The following PHC3 variants were observed in gnomAD, a reference collection of about 807,000 sequenced individuals.
The protein encoded by PHC3 is polyhomeotic homolog 3.
Under a neutral mutation model 107.4 loss-of-function variants are expected in PHC3, and 13 were observed. That is an observed-to-expected ratio of 0.12 (90% CI 0.08 to 0.19). PHC3 has a LOEUF of 0.19. Among genes scored for constraint, PHC3 ranks in the 10% least tolerant of loss-of-function variants. The probability of loss-of-function intolerance (pLI) is 1.00; values close to 1 mark genes in which losing one functional copy is unlikely to be tolerated. For missense variants in PHC3, 992 were observed against 1,210.9 expected (o/e 0.82, Z 2.68); for synonymous variants, 456 against 427.4 (o/e 1.07, Z -0.83).
At chr3:170,151,617 G>T (rs1725994104) in intron 4 of PHC3, among the ~76,000 whole-genome samples, 1 of 152,182 alleles carries the variant, frequency 6.6e-6, no homozygotes, top group Admixed American at 6.5e-5. Context: ...AGGGCTACAA[G>T]TCAAATCCCT....
At position 170,088,577 on chromosome 3, in the gene PHC3, C is replaced by T. The variant is rs979335579; in HGVS notation, c.*8653G>A. 1.3e-5 allele frequency: 2 copies of T among 152,154 alleles called. No individual in the cohort carries two copies. Among genetic ancestry groups the T allele is most frequent in the Admixed American group, 6.5e-5 (1 of 15,278 alleles). The allele number at this position is 152,154 out of a possible 1,614,324, so 9.4% of individuals were successfully genotyped here. ...ACTGGGAATCTAGTTTAAATGTCTA[C>T]ATCCAAAATTATATCATCTTTGCGC... is the stretch of plus-strand genomic sequence containing the variant. On this transcript the variant is annotated 3_prime_UTR_variant, in exon 15 of 15. Coordinates refer to ENST00000495893, the MANE Select transcript of PHC3 (RefSeq NM_024947.4).
chr3:170,125,607 A>G (rs1721123341), intron 8 of PHC3, among the ~76,000 whole-genome samples: 1 of 152,220 alleles, frequency 6.6e-6, no homozygotes, highest in South Asian at 2.1e-4. Flanking sequence ...TTTTAAAAAC[A>G]AGAGTTTAAA....
rs534764674 is a variant in PHC3, at chr3:170,144,052, C to T, written c.672+1371G>A. ...ACTGTAAGAATATATCGAGGCCGGG[C>T]GTGGTGGCTCACGCCTGCAATCCCA... is the stretch of plus-strand genomic sequence containing the variant. On this transcript the variant is annotated intron_variant, in intron 6 of 14. Transcript: ENST00000495893. 7.8e-4 allele frequency among the ~76,000 whole-genome samples: 118 copies of T among 150,932 alleles called. No individual in the cohort carries two copies. The Middle Eastern group carries it at 0.01, about 13-fold the overall frequency.
chr3:170,121,623 G>A (rs924336860), intron 9 of PHC3, among the ~76,000 whole-genome samples: 3 of 152,098 alleles, frequency 2.0e-5, no homozygotes, highest in African/African-American at 4.8e-5. Context: ...CTCAGCCTCT[G>A]ACGAAGCTGG....
rs199917986 is a variant in PHC3, at chr3:170,129,518, T to C, written c.954A>G (p.Ile318Met). The C allele has an allele frequency of 6.2e-7, 1 of 1,613,754 alleles. No homozygotes were observed. ...AATGAAGAGGAATCTGCTGATGTTT[T>C]ATTAGAGAATGAGGCTGAATTGGAG... ...SYSPIQPHSL[I>M]KHQQIPLHSP... is the part of the protein sequence containing the mutation. Residue 318 changes from isoleucine (I) to methionine (M), a missense_variant, in exon 8 of 15, where the codon ATA becomes ATG. Coordinates refer to ENST00000495893, the MANE Select transcript of PHC3 (RefSeq NM_024947.4).
chr3:170,140,284 C>CAA (rs1723828765), intron 6 of PHC3, among the ~76,000 whole-genome samples: 2 of 151,322 alleles, frequency 1.3e-5, no homozygotes, highest in South Asian at 4.2e-4. Flanking sequence ...TTTTTTGAGA[C>CAA]AGAGTCTCAC....
chr3:170,168,153 CAAAGG>C (rs1234372409), intron 4 of PHC3, among the ~76,000 whole-genome samples: 1 of 146,376 alleles, frequency 6.8e-6, no homozygotes, highest in Non-Finnish European at 1.5e-5. Flanking sequence ...AAGACTCTGT[CAAAGG>C]AAAGGAAAGG....
At chr3:170,175,920 T>C (rs1730380855) in intron 2 of PHC3, among the ~76,000 whole-genome samples, 1 of 131,370 alleles carries the variant, frequency 7.6e-6, no homozygotes, top group Admixed American at 8.2e-5. Context: ...CAAGACTCAG[T>C]CTCAAAAAAA....
chr3:170,174,726 A>AT lies in PHC3; in HGVS notation c.181-2015dup, dbSNP rs1469955718. 2.0e-5 allele frequency among the ~76,000 whole-genome samples: 3 copies of AT among 152,206 alleles called. No individual in the cohort carries two copies. The South Asian group carries it at 6.2e-4, about 31-fold the overall frequency. On this transcript the variant is annotated intron_variant, in intron 2 of 14. Transcript: ENST00000495893. Reference sequence around the variant, plus strand: ...TTATTGTTTATTTTCATGTGTTAATATCTCACCTCTCCAACTATAGACTAC... The same window carrying AT: ...TTATTGTTTATTTTCATGTGTTAATATTCTCACCTCTCCAACTATAGACTAC...
intron 6 of PHC3, among the ~76,000 whole-genome samples, chr3:170,143,706 T>C (rs1340083535): frequency 2.2e-4 from 33 of 152,212 alleles, no homozygotes; most frequent in South Asian, 2.1e-4. Context: ...GTCAAATTTA[T>C]TGAGGTGTAA....
At chr3:170,152,904 C>A (rs557164109) in intron 4 of PHC3, among the ~76,000 whole-genome samples, 35 of 152,046 alleles carry the variant, frequency 2.3e-4, no homozygotes, top group Non-Finnish European at 3.8e-4. Context: ...TCAAGCGATA[C>A]CCCCACCTCA....
At position 170,181,689 on chromosome 3, in the gene PHC3, T is replaced by G. The variant is rs748050578; in HGVS notation, c.14+13A>C. ...CCCCTAGTTACGACATCAGTCACCA[T>G]CTAGTCACTCACTCCGCTTCCGCCA... On this transcript the variant is annotated intron_variant, in intron 1 of 14. Coordinates refer to ENST00000495893, the MANE Select transcript of PHC3 (RefSeq NM_024947.4). 2 of 1,613,214 alleles carry G rather than the reference T, an allele frequency of 1.2e-6. No individual in the cohort carries two copies. Among genetic ancestry groups the G allele is most frequent in the East Asian group, 4.5e-5 (2 of 44,840 alleles).
intron 1 of PHC3, among the ~76,000 whole-genome samples, chr3:170,179,171 G>C (rs1730997633): frequency 6.6e-6 from 1 of 152,106 alleles, no homozygotes; most frequent in African/African-American, 2.4e-5. Context: ...TTCAGAATAC[G>C]TAACTCAGAT....
chr3:170,122,615 A>C lies in PHC3; in HGVS notation c.1918T>G (p.Leu640Val). The C allele has an allele frequency of 1.7e-5, 27 of 1,613,922 alleles. No individual in the cohort carries two copies. Among genetic ancestry groups the C allele is most frequent in the Non-Finnish European group, 2.2e-5 (26 of 1,179,868 alleles). ...CCTAACAAAGGATGTTCAGAAGTCA[A>C]ATCTTCTCCTCTCCCCACTGTTATA... ...AAITVGRGED[L>V]TSEHPLLEQV... is the part of the protein sequence containing the mutation. Residue 640 changes from leucine (L) to valine (V), a missense_variant, in exon 9 of 15, where the codon TTG becomes GTG. Around this residue, in one of 6 missense-constraint regions of PHC3, gnomAD observed 543 missense variants for 590.8 expected, o/e 0.92. Coordinates refer to ENST00000495893, the MANE Select transcript of PHC3 (RefSeq NM_024947.4).
chr3:170,126,007 A>G (rs1721176944), intron 8 of PHC3: 1 of 973,484 alleles, frequency 1.0e-6, no homozygotes, highest in Non-Finnish European at 1.2e-6. Context: ...TCCTAAATAA[A>G]CTGAGGAATA....
chr3:170,145,282 A>C, intron 6 of PHC3, 141 bp downstream of exon 6: 1 of 564,492 alleles, frequency 1.8e-6, no homozygotes, highest in South Asian at 3.7e-5. Flanking sequence ...TGAAGTTCTC[A>C]TTGTATTTTA....
At chr3:170,139,955 A>C (rs928692729) in intron 6 of PHC3, among the ~76,000 whole-genome samples, 2 of 152,018 alleles carry the variant, frequency 1.3e-5, no homozygotes, top group Non-Finnish European at 2.9e-5. Flanking sequence ...GCTTTTGAAA[A>C]AGTCTACATT....
intron 4 of PHC3, among the ~76,000 whole-genome samples, chr3:170,156,605 G>GT (rs919346249): frequency 6.8e-4 from 99 of 145,664 alleles, no homozygotes; most frequent in African/African-American, 1.8e-3. Context: ...AGACTACATG[G>GT]TTTTTTTTTT....
At chr3:170,098,136 T>C (rs937975406) in intron 14 of PHC3, among the ~76,000 whole-genome samples, 1 of 152,166 alleles carries the variant, frequency 6.6e-6, no homozygotes, top group Non-Finnish European at 1.5e-5. Context: ...CTTTAGCAGG[T>C]AACAATGCTA....
Sources: gnomAD v4.1 joint callset for allele counts (sites outside exome capture counted in the v4.1 genomes callset) on GRCh38, gnomAD v4.1.1 for gene constraint, gnomAD v4.1.1 regional missense constraint, MANE v1.5 for transcripts, NCBI Gene and HGNC (gene_info 2026-07-23, HGNC 2026-07-21) for gene names.